Variants in EML5 observed in about 807,000 individuals in gnomAD.
The protein encoded by EML5 is EMAP like 5, also known as echinoderm microtubule-associated protein-like 5.
A neutral mutation model predicts 250.0 loss-of-function variants in EML5; 120 were observed. The observed-to-expected ratio is 0.48, with a 90% CI of 0.41 to 0.56. The LOEUF (loss-of-function observed/expected upper bound fraction) is 0.56, where lower values mean the gene tolerates loss of function less well. Among genes scored for constraint, EML5 ranks in the 20% least tolerant of loss-of-function variants. The pLI, the probability that EML5 is intolerant of heterozygous loss-of-function variation, is 0.00. For synonymous variants in EML5, 771 were observed against 806.5 expected, an observed-to-expected ratio of 0.96 and a Z score of 0.75; for missense variants, 2,006 against 2,437.6, an observed-to-expected ratio of 0.82 and a Z score of 3.73.
At chr14:88,719,571 G>A (rs780600310) in intron 8 of EML5, among the ~76,000 whole-genome samples, 1 of 152,060 alleles carries the variant, frequency 6.6e-6, no homozygotes, top group Non-Finnish European at 1.5e-5. Context: ...GTTTGCTGTT[G>A]ATAACACAGT....
chr14:88,671,521 A>T (rs920924320), intron 21 of EML5, among the ~76,000 whole-genome samples: 2 of 152,246 alleles, frequency 1.3e-5, no homozygotes, highest in African/African-American at 4.8e-5. Context: ...AGCTAGCATC[A>T]CGATGACAGG....
At chr14:88,751,951 C>G (rs72697940) in intron 2 of EML5, among the ~76,000 whole-genome samples, 1 of 152,286 alleles carries the variant, frequency 6.6e-6, no homozygotes, top group Non-Finnish European at 1.5e-5. Context: ...ATAATAGCAT[C>G]TATTCCAAAG....
rs747862444 is a variant in EML5, at chr14:88,756,209, A to C, written c.198-1538T>G. On this transcript the variant is annotated intron_variant, in intron 1 of 43. Coordinates refer to ENST00000554922, the MANE Select transcript of EML5 (RefSeq NM_183387.3). Reference sequence around the variant, plus strand: ...GAATACCAGGCTGGTTCAACATATGAAATCAACAAATATGGCATATTAACA... The same window carrying C: ...GAATACCAGGCTGGTTCAACATATGCAATCAACAAATATGGCATATTAACA... 5.0e-4 allele frequency among the ~76,000 whole-genome samples: 76 copies of C among 152,276 alleles called. 2 individuals are homozygous for C. The highest frequency in any genetic ancestry group is 2.9e-4 in the Non-Finnish European group (20 of 68,020).
intron 21 of EML5, among the ~76,000 whole-genome samples, chr14:88,669,832 G>T (rs1292176081): frequency 2.0e-5 from 3 of 152,202 alleles, no homozygotes; most frequent in Non-Finnish European, 1.5e-5. Flanking sequence ...TTATACAGGG[G>T]CGTTTCCACT....
chr14:88,649,736 A>T (rs986849798), intron 28 of EML5, among the ~76,000 whole-genome samples, 176 bp downstream of exon 28: 6 of 152,276 alleles, frequency 3.9e-5, no homozygotes, highest in African/African-American at 1.2e-4. Context: ...AATAACAACC[A>T]TATATGCTAT....
In EML5 at chr14:88,638,780, T is replaced by C. The variant is rs2090888957; in HGVS notation, c.4336+29A>G. 4.7e-6 allele frequency: 7 copies of C among 1,496,110 alleles called. No individual in the cohort carries two copies. The African/African-American group carries it at 5.6e-5, about 12-fold the overall frequency. The allele number at this position is 1,496,110 out of a possible 1,614,324, so 92.7% of individuals were successfully genotyped here. On this transcript the variant is annotated intron_variant, in intron 32 of 43. Transcript: ENST00000554922. ...ATTTGAACAAAGCAAATGCTTTAAA[T>C]TGTTTCTTTTTAAAATACAGAAACA...
At position 88,746,297 on chromosome 14, in the gene EML5, AAG is replaced by A; in HGVS notation, c.358-16_358-15del. On this transcript the variant is annotated splice_polypyrimidine_tract_variant and intron_variant, in intron 2 of 43. Transcript: ENST00000554922. ...TGAAACCAAGCGCTGATTTATGTCC[AAG>A]AAGTCCAGGAAGGAATAAAAAGGCA... 1.2e-6 allele frequency: 2 copies of A among 1,609,778 alleles called. No individual in the cohort carries two copies. The highest frequency in any genetic ancestry group is 1.7e-6 in the Non-Finnish European group (2 of 1,177,472).
chr14:88,689,350 G>A (rs1037338910), intron 17 of EML5, among the ~76,000 whole-genome samples: 9 of 152,202 alleles, frequency 5.9e-5, no homozygotes, highest in Non-Finnish European at 1.0e-4. Flanking sequence ...CCTACGAACA[G>A]TGAAAAGAAT....
chr14:88,736,311 T>G (rs1415414458), intron 7 of EML5, 53 bp downstream of exon 7: 3 of 1,593,978 alleles, frequency 1.9e-6, no homozygotes, highest in Non-Finnish European at 2.6e-6. Context: ...GTTTTCTTTA[T>G]GTTTATCTAA....
At position 88,713,619 on chromosome 14, in the gene EML5, ATT is replaced by A. The variant is rs71130004; in HGVS notation, c.1445-1138_1445-1137del. 1.3e-3 allele frequency among the ~76,000 whole-genome samples: 164 copies of A among 130,184 alleles called. 1 individual carries two copies. The East Asian group carries it at 0.016, about 13-fold the overall frequency. The allele number at this position is 130,184 out of a possible 152,430, so 85.4% of individuals were successfully genotyped here. On this transcript the variant is annotated intron_variant, in intron 9 of 43. Transcript: ENST00000554922. ...AGGTGCATGCCACCACAACCTGCTCATTTTTTTTTTTTTTTTTGGTAGACATG... is the reference window on the plus strand; with the variant it reads ...AGGTGCATGCCACCACAACCTGCTCATTTTTTTTTTTTTTTGGTAGACATG...
intron 27 of EML5, among the ~76,000 whole-genome samples, chr14:88,650,793 T>C (rs2091583053): frequency 6.6e-6 from 1 of 152,104 alleles, no homozygotes; most frequent in Non-Finnish European, 1.5e-5. Flanking sequence ...AGGCATGTAC[T>C]ACCATTCTTG....
At chr14:88,640,853 AT>A (rs922849618) in intron 31 of EML5, among the ~76,000 whole-genome samples, 12 of 152,200 alleles carry the variant, frequency 7.9e-5, no homozygotes, top group African/African-American at 2.6e-4. Flanking sequence ...AATAAACACA[AT>A]AAAAAATGAC....
intron 6 of EML5, among the ~76,000 whole-genome samples, chr14:88,736,995 AC>A (rs2093850979): frequency 6.6e-6 from 1 of 151,926 alleles, no homozygotes; most frequent in Non-Finnish European, 1.5e-5. Flanking sequence ...AGGGGAGACT[AC>A]CTGACTTCAC....
chr14:88,702,425 T>G, intron 14 of EML5, 21 bp downstream of exon 14: 2 of 1,582,156 alleles, frequency 1.3e-6, no homozygotes, highest in Middle Eastern at 1.7e-4. Context: ...ATCTGGCTTA[T>G]TGTCAGTCTT....
At position 88,738,861 on chromosome 14, in the gene EML5, C is replaced by G. The variant is rs1332219552; in HGVS notation, c.847+18G>C. On this transcript the variant is annotated intron_variant, in intron 6 of 43. Coordinates refer to ENST00000554922, the MANE Select transcript of EML5 (RefSeq NM_183387.3). ...GTTTAGAGTTTGCCTAGTAATAAGA[C>G]ATTTGTTTTGTTATTACCTTTGTAT... 1 of 1,551,232 alleles carries G rather than the reference C, an allele frequency of 6.4e-7. No homozygotes were observed. The highest frequency in any genetic ancestry group is 1.2e-5 in the South Asian group (1 of 82,584).
intron 24 of EML5, among the ~76,000 whole-genome samples, chr14:88,662,186 C>A (rs1044090864): frequency 2.0e-5 from 3 of 151,372 alleles, no homozygotes; most frequent in Non-Finnish European, 4.4e-5. Flanking sequence ...CCAACTAACC[C>A]TTACTAGAAA....
intron 8 of EML5, among the ~76,000 whole-genome samples, chr14:88,719,381 G>T (rs888904607): frequency 5.3e-5 from 8 of 152,148 alleles, no homozygotes; most frequent in Non-Finnish European, 1.0e-4. Flanking sequence ...GCGAGACCTT[G>T]TCTCAATCAA....
chr14:88,723,075 A>G (rs773480628), intron 8 of EML5, among the ~76,000 whole-genome samples: 1 of 152,128 alleles, frequency 6.6e-6, no homozygotes, highest in African/African-American at 2.4e-5. Context: ...GTGTCCATCA[A>G]TGTACACATG....
Position 88,618,786 on chromosome 14 carries a change from G to A in EML5, c.5402C>T (p.Ala1801Val). ...IRFSPDSRYLAVGSSENSVDF... is the reference protein window; with the variant it reads ...IRFSPDSRYLVVGSSENSVDF... ...CACTGAGTTCTCACTAGAACCTACT[G>A]CCAGATACCGGGAATCCGGACTAAA... Residue 1801 changes from alanine to valine, a missense_variant, in exon 40 of 44, where the codon GCA (alanine) becomes GTA (valine). Transcript: ENST00000554922. 1 of 1,594,752 alleles carries A rather than the reference G, an allele frequency of 6.3e-7. No homozygotes were observed. Among genetic ancestry groups the A allele is most frequent in the Non-Finnish European group, 8.6e-7 (1 of 1,169,250 alleles).
Sources: gnomAD v4.1 joint callset for allele counts (sites outside exome capture counted in the v4.1 genomes callset) on GRCh38, gnomAD v4.1.1 for gene constraint, MANE v1.5 for transcripts, NCBI Gene and HGNC (gene_info 2026-07-23, HGNC 2026-07-21) for gene names.